FGFR1: variants seen among roughly 807,000 people sequenced by gnomAD.
The protein encoded by FGFR1 is FGFR1/PLAG1 fusion.
In FGFR1, 18 loss-of-function variants were observed where a neutral mutation model predicts 93.7. The ratio of observed to expected loss-of-function variants is 0.19; its 90% CI spans 0.13 to 0.28. FGFR1 has a LOEUF of 0.28. FGFR1 is among the 10% of genes least tolerant of loss of function. The probability of loss-of-function intolerance (pLI) is 1.00; values close to 1 mark genes in which losing one functional copy is unlikely to be tolerated. For synonymous variants in FGFR1, 448 were observed against 429.3 expected (o/e 1.04, Z -0.54); for missense variants, 731 against 1,080.4 (o/e 0.68, Z 4.53).
chr8:38,432,847 T>C (rs1004752321), intron 2 of FGFR1, among the ~76,000 whole-genome samples: 8 of 151,064 alleles, frequency 5.3e-5, no homozygotes, highest in African/African-American at 1.9e-4. Flanking sequence ...TCCCTGCAAT[T>C]GGCTTCCACT....
intron 2 of FGFR1, among the ~76,000 whole-genome samples, chr8:38,436,567 G>A (rs1586494443): frequency 6.6e-6 from 1 of 152,038 alleles, no homozygotes; most frequent in African/African-American, 2.4e-5. Flanking sequence ...GGTGGACCTT[G>A]GGAATTTGTG....
At chr8:38,461,061 G>C (rs1437979400) in intron 1 of FGFR1, 22 of 1,535,518 alleles carry the variant, frequency 1.4e-5, no homozygotes, top group Non-Finnish European at 1.8e-5. Flanking sequence ...GCACATCTCA[G>C]TTTCCCACTC....
chr8:38,414,841 T>C lies in FGFR1; in HGVS notation c.1915A>G (p.Ile639Val). 1 of 1,613,886 alleles carries C rather than the reference T, an allele frequency of 6.2e-7. No individual in the cohort carries two copies. The highest frequency in any genetic ancestry group is 8.5e-7 in the Non-Finnish European group (1 of 1,179,994). ...VLVTEDNVMK[I>V]ADFGLARDIH... The stretch of plus-strand genomic sequence containing the variant: ...TCCCGTGCGAGGCCAAAGTCTGCTA[T>C]CTTCATCACATTGTCCTCTGTCACC... Residue 639 changes from isoleucine (I) to valine (V), a missense_variant, in exon 14 of 18, where the codon ATA (isoleucine) becomes GTA (valine). By Grantham distance (29) the Ile-to-Val change is conservative. Coordinates refer to ENST00000447712, the MANE Select transcript of FGFR1 (RefSeq NM_023110.3).
chr8:38,455,747 G>A (rs146879501), intron 2 of FGFR1, among the ~76,000 whole-genome samples: 132 of 152,238 alleles, frequency 8.7e-4, no homozygotes, highest in African/African-American at 3.1e-3. Flanking sequence ...TGTTCAACCT[G>A]GAGGGCCCTT....
chr8:38,428,332 A>C lies in FGFR1; in HGVS notation c.448+14T>G, dbSNP rs1322280982. On this transcript the variant is annotated intron_variant, in intron 4 of 17. Coordinates refer to ENST00000447712, the MANE Select transcript of FGFR1 (RefSeq NM_023110.3). ...CAGACCCAAAGGGCAGTAAGATAGG[A>C]AACAGTGTCTCACGCATACGGTTTG... 1.2e-6 allele frequency: 2 copies of C among 1,613,240 alleles called. No homozygotes were observed. The highest frequency in any genetic ancestry group is 1.7e-6 in the Non-Finnish European group (2 of 1,179,170).
intron 2 of FGFR1, among the ~76,000 whole-genome samples, chr8:38,432,437 G>T (rs1298810286): frequency 2.0e-5 from 3 of 148,066 alleles, no homozygotes; most frequent in African/African-American, 7.5e-5. Context: ...TTTTGAGATG[G>T]AGTTTTGCTC....
rs1586090213 is a variant in FGFR1, at chr8:38,413,860, A to G, written c.2293-56T>C. ...CCGGGCCCCTCCTCCCTGCTCAGGG[A>G]GGTGCGTGCACGCAGTGGGGACGGC... On this transcript the variant is annotated intron_variant, in intron 17 of 17. Transcript: ENST00000447712. This position sits in a 1 kb window ranked among gnomAD's most constrained non-coding sequence, Gnocchi z 4.2. The G allele has an allele frequency of 6.2e-7, 1 of 1,613,300 alleles. No individual in the cohort carries two copies. Among genetic ancestry groups the G allele is most frequent in the East Asian group, 2.2e-5 (1 of 44,824 alleles).
intron 9 of FGFR1, 106 bp from the exon 10 acceptor site, chr8:38,418,479 T>C (rs992967551): frequency 1.9e-5 from 25 of 1,327,758 alleles, no homozygotes; most frequent in Non-Finnish European, 2.6e-5. Flanking sequence ...CATGTCTGTG[T>C]ATCTGATGTT....
chr8:38,462,457 T>C (rs1834614192), intron 1 of FGFR1, among the ~76,000 whole-genome samples: 1 of 151,896 alleles, frequency 6.6e-6, no homozygotes, highest in South Asian at 2.1e-4. Flanking sequence ...TGAGCCGAGA[T>C]TGCGCCACTG....
rs940100949 is a variant in FGFR1, at chr8:38,468,209, G to C, written c.-317C>G. ...GAGCTGGTGCCCCGGAGGCGGGGCG[G>C]GGGGAGGGCTCCCGTCCGCCACCCG... On this transcript the variant is annotated 5_prime_UTR_variant, in exon 1 of 18. Transcript: ENST00000447712. 24 of 228,610 alleles carry C rather than the reference G, an allele frequency of 1.0e-4. No homozygotes were observed. Among genetic ancestry groups the C allele is most frequent in the African/African-American group, 4.0e-4 (18 of 45,120 alleles). 14.2% of individuals were successfully genotyped at this position (228,610 alleles called of 1,614,324 possible). A position where few individuals can be genotyped will look rare whatever the true frequency, so the allele number is the denominator to read the frequency against.
intron 2 of FGFR1, 83 bp from the exon 3 acceptor site, chr8:38,430,031 G>C: frequency 1.4e-6 from 2 of 1,386,670 alleles, no homozygotes; most frequent in Non-Finnish European, 2.0e-6. Flanking sequence ...GAGACAAAGG[G>C]AATTACGCTG....
At chr8:38,455,583 G>T (rs965947944) in intron 2 of FGFR1, among the ~76,000 whole-genome samples, 2 of 152,170 alleles carry the variant, frequency 1.3e-5, no homozygotes, top group African/African-American at 2.4e-5. Flanking sequence ...GAGCCACCGT[G>T]CCCGGCCCTA....
intron 1 of FGFR1, among the ~76,000 whole-genome samples, chr8:38,461,860 A>T (rs2151435250): frequency 6.6e-6 from 1 of 152,346 alleles, no homozygotes; most frequent in South Asian, 2.1e-4. Flanking sequence ...AGATATTTAT[A>T]ATTCTCTTTG....
intron 1 of FGFR1, among the ~76,000 whole-genome samples, chr8:38,460,904 A>T (rs527483622): frequency 6.6e-6 from 1 of 152,300 alleles, no homozygotes; most frequent in South Asian, 2.1e-4. Flanking sequence ...CTTGACAGAT[A>T]GATGTAACCT....
At chr8:38,425,911 TTGACCGTGTTACTGTC>T (rs1358065663) in intron 6 of FGFR1, 195 bp downstream of exon 6, 19 of 638,474 alleles carry the variant, frequency 3.0e-5, no homozygotes, top group African/African-American at 2.9e-4. Flanking sequence ...ACAACCAGCT[TTGACCGTGTTACTGTC>T]TGATCTTAAC....
At position 38,431,424 on chromosome 8, in the gene FGFR1, C is replaced by T. The variant is rs1044453270; in HGVS notation, c.92-1476G>A. 3.3e-5 allele frequency among the ~76,000 whole-genome samples: 5 copies of T among 152,208 alleles called. No homozygotes were observed. In the East Asian group the frequency reaches 9.6e-4, roughly 29 times the overall value. ...CCCCAGCACCTACTACGATGCCTGG[C>T]GCCCAGGAGTTGCTCAAGAAATGCT... On this transcript the variant is annotated intron_variant, in intron 2 of 17. Coordinates refer to ENST00000447712, the MANE Select transcript of FGFR1 (RefSeq NM_023110.3).
chr8:38,428,567 T>C (rs1434288703), intron 3 of FGFR1, 132 bp from the exon 4 acceptor site: 2 of 726,652 alleles, frequency 2.8e-6, no homozygotes, highest in Non-Finnish European at 4.9e-6. Flanking sequence ...TTAGTGATGA[T>C]CTCTTGGTGG....
At chr8:38,425,494 G>GACC (rs1025169375) in intron 6 of FGFR1, among the ~76,000 whole-genome samples, 4 of 152,158 alleles carry the variant, frequency 2.6e-5, no homozygotes, top group Non-Finnish European at 5.9e-5. Flanking sequence ...CTCCTTCTTA[G>GACC]ACCATATCAT....
At chr8:38,445,628 T>C (rs904595186) in intron 2 of FGFR1, among the ~76,000 whole-genome samples, 1 of 152,060 alleles carries the variant, frequency 6.6e-6, no homozygotes, top group Non-Finnish European at 1.5e-5. Flanking sequence ...AACCTCCGCC[T>C]CCTGGATTCA....
Sources: allele counts gnomAD v4.1 joint callset (sites outside exome capture counted in the v4.1 genomes callset), GRCh38; gene constraint gnomAD v4.1.1; non-coding constraint Gnocchi (gnomAD v3.1); transcripts MANE v1.5; gene names NCBI Gene and HGNC (gene_info 2026-07-23, HGNC 2026-07-21).